The following SERTAD1 variants were observed in gnomAD, a reference collection of about 807,000 sequenced individuals.
SERTAD1 encodes SERTA domain containing 1, also known as SERTA domain-containing protein 1.
Under a neutral mutation model 11.7 loss-of-function variants are expected in SERTAD1, and 5 were observed. The ratio of observed to expected loss-of-function variants is 0.43; its 90% CI spans 0.22 to 0.90. SERTAD1 has a LOEUF of 0.90. Among genes scored for constraint, SERTAD1 ranks in the 40% least tolerant of loss-of-function variants. SERTAD1 has a pLI of 0.27. For missense variants in SERTAD1, 287 were observed against 313.9 expected (o/e 0.91, Z 0.65); for synonymous variants, 139 against 141.4 (o/e 0.98, Z 0.12).
rs1032972167 is a variant in SERTAD1 at position 40,422,841 on chromosome 19, G to A, written c.706C>T (p.Arg236Cys). 1.9e-6 allele frequency: 3 copies of A among 1,596,696 alleles called. No homozygotes were observed. The highest frequency in any genetic ancestry group is 2.6e-6 in the Non-Finnish European group (3 of 1,169,850). ...QALERPPGPGR is the reference protein window; with the variant it reads ...QALERPPGPGC The stretch of plus-strand genomic sequence containing the variant: ...AACCATTCCAGCACGAGGGCTCAGC[G>A]CCCTGGCCCCGGCGGTCGCTCCAGT... Residue 236 changes from arginine (R) to cysteine (C), a missense_variant, in exon 2 of 2, where the codon CGC becomes TGC. By Grantham distance (180) the Arg-to-Cys change is radical. Coordinates refer to ENST00000357949, the MANE Select transcript of SERTAD1 (RefSeq NM_013376.4).
rs2079602391 is a variant in SERTAD1 at position 40,422,750 on chromosome 19, G to C, written c.*86C>G. The C allele has an allele frequency of 7.0e-7, 1 of 1,420,814 alleles. No individual in the cohort carries two copies. Among genetic ancestry groups the C allele is most frequent in the East Asian group, 2.5e-5 (1 of 40,298 alleles). The allele number at this position is 1,420,814 out of a possible 1,614,324, so 88.0% of individuals were successfully genotyped here. On this transcript the variant is annotated 3_prime_UTR_variant, in exon 2 of 2. Coordinates refer to ENST00000357949, the MANE Select transcript of SERTAD1 (RefSeq NM_013376.4). ...GGCCCAAGCCCTGTTCTCTGTACTA[G>C]GGAAGCCAGCTGTGTCTTTTCGAGG...
In SERTAD1 at chr19:40,422,728, C is replaced by A; in HGVS notation, c.*108G>T. On this transcript the variant is annotated 3_prime_UTR_variant, in exon 2 of 2. Coordinates refer to ENST00000357949, the MANE Select transcript of SERTAD1 (RefSeq NM_013376.4). ...CTAGATTCTGTCTCTCCAAAGTGGC[C>A]CAAGCCCTGTTCTCTGTACTAGGGA... The A allele has an allele frequency of 7.8e-7, 1 of 1,285,458 alleles. No homozygotes were observed. 79.6% of individuals were successfully genotyped at this position (1,285,458 alleles called of 1,614,324 possible).
In SERTAD1 at chr19:40,422,458, T is replaced by C. The variant is rs1568723643; in HGVS notation, c.*378A>G. 8.8e-6 allele frequency: 2 copies of C among 228,246 alleles called. No individual in the cohort carries two copies. The highest frequency in any genetic ancestry group is 1.7e-5 in the Non-Finnish European group (2 of 116,618). The allele number at this position is 228,246 out of a possible 1,614,324, so 14.1% of individuals were successfully genotyped here. ...CGCCCAATAAAATGTTTGATGTTTTTATCTCGCCTTCACATTTGCCCAGAG... is the reference window on the plus strand; with the variant it reads ...CGCCCAATAAAATGTTTGATGTTTTCATCTCGCCTTCACATTTGCCCAGAG... On this transcript the variant is annotated 3_prime_UTR_variant, in exon 2 of 2. Transcript: ENST00000357949.
rs1356722123 is a variant in SERTAD1 at position 40,422,793 on chromosome 19, C to T, written c.*43G>A. The T allele has an allele frequency of 6.5e-7, 1 of 1,527,976 alleles. No homozygotes were observed. Among genetic ancestry groups the T allele is most frequent in the Non-Finnish European group, 8.8e-7 (1 of 1,136,190 alleles). 94.7% of individuals were successfully genotyped at this position (1,527,976 alleles called of 1,614,324 possible). ...TTTCGAGGACAGTTGGTCCAGCCAG[C>T]AGGCTCAGTTCAGATACCAGACAAC... On this transcript the variant is annotated 3_prime_UTR_variant, in exon 2 of 2. Transcript: ENST00000357949.
At position 40,423,011 on chromosome 19, in the gene SERTAD1, GTGTCAATAT is replaced by G; in HGVS notation, c.527_535del (p.Asp176_Thr179delinsAla). On this transcript the variant is annotated inframe_deletion, in exon 2 of 2. Coordinates refer to ENST00000357949, the MANE Select transcript of SERTAD1 (RefSeq NM_013376.4). The stretch of plus-strand genomic sequence containing the variant: ...CCAAAGTTCATTGTCATACATAGAG[GTGTCAATAT>G]CCTCAAACAGGCCCTCAAGCCCATC... 6.3e-7 allele frequency: 1 copy of G among 1,579,774 alleles called. No individual in the cohort carries two copies. Among genetic ancestry groups the G allele is most frequent in the Non-Finnish European group, 8.6e-7 (1 of 1,161,998 alleles).
intron 1 of SERTAD1, among the ~76,000 whole-genome samples, chr19:40,424,713 A>G (rs2079610174): frequency 6.6e-6 from 1 of 152,212 alleles, no homozygotes; most frequent in African/African-American, 2.4e-5. Flanking sequence ...GGAACAACAA[A>G]AAAAGGCAGA....
At chr19:40,424,695 G>A (rs904345782) in intron 1 of SERTAD1, among the ~76,000 whole-genome samples, 1 of 152,170 alleles carries the variant, frequency 6.6e-6, no homozygotes, top group Non-Finnish European at 1.5e-5. Flanking sequence ...AAAGCATTCC[G>A]GGAGGAGGGA....
At chr19:40,424,071 T>C (rs1385632218) in intron 1 of SERTAD1, among the ~76,000 whole-genome samples, 1 of 152,090 alleles carries the variant, frequency 6.6e-6, no homozygotes, top group African/African-American at 2.4e-5. Context: ...AGTATATTTA[T>C]AGACTTTTTT....
At position 40,422,847 on chromosome 19, in the gene SERTAD1, G is replaced by A; in HGVS notation, c.700C>T (p.Pro234Ser). The A allele has an allele frequency of 6.3e-7, 1 of 1,599,780 alleles. No individual in the cohort carries two copies. Among genetic ancestry groups the A allele is most frequent in the Non-Finnish European group, 8.5e-7 (1 of 1,171,476 alleles). The change falls in exon 2 of 2, where the codon CCA (proline) becomes TCA (serine). Residue 234 changes from proline to serine, a missense_variant. Transcript: ENST00000357949. Reference protein sequence around the residue: ...GTQALERPPGPGR With the variant: ...GTQALERPPGSGR ...TCCAGCACGAGGGCTCAGCGCCCTGGCCCCGGCGGTCGCTCCAGTGCCTGT... is the reference window on the plus strand; with the variant it reads ...TCCAGCACGAGGGCTCAGCGCCCTGACCCCGGCGGTCGCTCCAGTGCCTGT...
At position 40,425,989 on chromosome 19, in the gene SERTAD1, T is replaced by C. The variant is rs2079616063; in HGVS notation, c.-123A>G. On this transcript the variant is annotated 5_prime_UTR_variant, in exon 1 of 2. Transcript: ENST00000357949. ...CCCGCGCCTGGGTCGCGAGACGCAG[T>C]TCTGACTCCGGCTCACGACTCCAGA... is the stretch of plus-strand genomic sequence containing the variant. 1.3e-5 allele frequency: 2 copies of C among 152,264 alleles called. No homozygotes were observed. The highest frequency in any genetic ancestry group is 4.8e-5 in the African/African-American group (2 of 41,474). 9.4% of individuals were successfully genotyped at this position (152,264 alleles called of 1,614,324 possible).
In SERTAD1 at chr19:40,422,323, T is replaced by C. The variant is rs1452685867; in HGVS notation, c.*513A>G. On this transcript the variant is annotated 3_prime_UTR_variant, in exon 2 of 2. Coordinates refer to ENST00000357949, the MANE Select transcript of SERTAD1 (RefSeq NM_013376.4). Reference sequence around the variant, plus strand: ...AGTGATAATCTTGGAACCTTGGTTTTCTCACCTGTAAAATAGGGATGATAA... The same window carrying C: ...AGTGATAATCTTGGAACCTTGGTTTCCTCACCTGTAAAATAGGGATGATAA... The C allele has an allele frequency of 4.6e-5, 7 of 152,868 alleles. No homozygotes were observed. The Admixed American group carries it at 4.6e-4, about 10-fold the overall frequency. The allele number at this position is 152,868 out of a possible 1,614,324, so 9.5% of individuals were successfully genotyped here.
chr19:40,421,976 GTC>G lies in SERTAD1; in HGVS notation c.*858_*859del, dbSNP rs1568723429. 6.6e-6 allele frequency: 1 copy of G among 151,974 alleles called. No homozygotes were observed. Among genetic ancestry groups the G allele is most frequent in the Non-Finnish European group, 1.5e-5 (1 of 68,018 alleles). The allele number at this position is 151,974 out of a possible 1,614,324, so 9.4% of individuals were successfully genotyped here. A position where few individuals can be genotyped will look rare whatever the true frequency, so the allele number is the denominator to read the frequency against. Reference sequence around the variant, plus strand: ...ATCCTGGCTAACACGGTGAAACCCTGTCTCTACAAAAAATATAAAAAATTAGT... The same window carrying G: ...ATCCTGGCTAACACGGTGAAACCCTGTCTACAAAAAATATAAAAAATTAGT... On this transcript the variant is annotated 3_prime_UTR_variant, in exon 2 of 2. Transcript: ENST00000357949.
At position 40,422,725 on chromosome 19, in the gene SERTAD1, G is replaced by A; in HGVS notation, c.*111C>T. On this transcript the variant is annotated 3_prime_UTR_variant, in exon 2 of 2. Transcript: ENST00000357949. ...GGACTAGATTCTGTCTCTCCAAAGTGGCCCAAGCCCTGTTCTCTGTACTAG... is the reference window on the plus strand; with the variant it reads ...GGACTAGATTCTGTCTCTCCAAAGTAGCCCAAGCCCTGTTCTCTGTACTAG... 1.7e-6 allele frequency: 2 copies of A among 1,204,584 alleles called. No individual in the cohort carries two copies. Among genetic ancestry groups the A allele is most frequent in the Non-Finnish European group, 2.3e-6 (2 of 888,326 alleles). The allele number at this position is 1,204,584 out of a possible 1,614,324, so 74.6% of individuals were successfully genotyped here. A position where few individuals can be genotyped will look rare whatever the true frequency, so the allele number is the denominator to read the frequency against.
At position 40,423,178 on chromosome 19, in the gene SERTAD1, G is replaced by C. The variant is rs1423697951; in HGVS notation, c.369C>G (p.Ser123Arg). 1.9e-6 allele frequency: 3 copies of C among 1,601,278 alleles called. No homozygotes were observed. Among genetic ancestry groups the C allele is most frequent in the Non-Finnish European group, 2.6e-6 (3 of 1,172,906 alleles). ...ASMASLLEDL[S>R]HIEGLSQAPQ... ...GAGCCTGACTCAGGCCCTCAATGTG[G>C]CTGAGGTCCTCCAGGAGGCTGGCCA... The change falls in exon 2 of 2, where the codon AGC becomes AGG. Residue 123 changes from serine to arginine, a missense_variant. Coordinates refer to ENST00000357949, the MANE Select transcript of SERTAD1 (RefSeq NM_013376.4).
In SERTAD1 at chr19:40,422,658, C is replaced by T. The variant is rs1192478590; in HGVS notation, c.*178G>A. ...CACTAGGGGGTAATTCCAGGCTCCC[C>T]CTGCCAGCCCTGAGACAGGAGGACG... On this transcript the variant is annotated 3_prime_UTR_variant, in exon 2 of 2. Coordinates refer to ENST00000357949, the MANE Select transcript of SERTAD1 (RefSeq NM_013376.4). 6 of 656,610 alleles carry T rather than the reference C, an allele frequency of 9.1e-6. No individual in the cohort carries two copies. The East Asian group carries it at 1.7e-4, about 19-fold the overall frequency. The allele number at this position is 656,610 out of a possible 1,614,324, so 40.7% of individuals were successfully genotyped here.
chr19:40,423,879 A>G (rs2079607565), intron 1 of SERTAD1, among the ~76,000 whole-genome samples: 1 of 151,928 alleles, frequency 6.6e-6, no homozygotes, highest in South Asian at 2.1e-4. Flanking sequence ...GGCACATGCC[A>G]CCACACCCGG....
intron 1 of SERTAD1, among the ~76,000 whole-genome samples, chr19:40,425,281 G>A (rs2079612294): frequency 6.6e-6 from 1 of 152,080 alleles, no homozygotes; most frequent in African/African-American, 2.4e-5. Flanking sequence ...CAGGAAGACT[G>A]TAGAGTCCAG....
rs1490276178 is a variant in SERTAD1 at position 40,423,138 on chromosome 19, C to A, written c.409G>T (p.Asp137Tyr). ...GLSQAPQPLA[D>Y]EGPPGRSIGG... ...ATGCTACGGCCTGGTGGCCCCTCGTCTGCCAAGGGTTGGGGAGCCTGACTC... is the reference window on the plus strand; with the variant it reads ...ATGCTACGGCCTGGTGGCCCCTCGTATGCCAAGGGTTGGGGAGCCTGACTC... The change falls in exon 2 of 2, where the codon GAC (aspartate) becomes TAC (tyrosine). Residue 137 changes from aspartate to tyrosine, a missense_variant. By Grantham distance (160) the Asp-to-Tyr change is radical. Coordinates refer to ENST00000357949, the MANE Select transcript of SERTAD1 (RefSeq NM_013376.4). 1.9e-6 allele frequency: 3 copies of A among 1,603,822 alleles called. No homozygotes were observed. Among genetic ancestry groups the A allele is most frequent in the Non-Finnish European group, 2.6e-6 (3 of 1,175,736 alleles).
In SERTAD1 at chr19:40,422,706, G is replaced by T; in HGVS notation, c.*130C>A. On this transcript the variant is annotated 3_prime_UTR_variant, in exon 2 of 2. Transcript: ENST00000357949. ...ACGGATGTGAAGTTGCCCAGGACTA[G>T]ATTCTGTCTCTCCAAAGTGGCCCAA... The T allele has an allele frequency of 9.5e-7, 1 of 1,056,048 alleles. No homozygotes were observed. Among genetic ancestry groups the T allele is most frequent in the Non-Finnish European group, 1.3e-6 (1 of 755,384 alleles). The allele number at this position is 1,056,048 out of a possible 1,614,324, so 65.4% of individuals were successfully genotyped here. A position where few individuals can be genotyped will look rare whatever the true frequency, so the allele number is the denominator to read the frequency against.
Sources: gnomAD v4.1 joint callset for allele counts (sites outside exome capture counted in the v4.1 genomes callset) on GRCh38, gnomAD v4.1.1 for gene constraint, MANE v1.5 for transcripts, NCBI Gene and HGNC (gene_info 2026-07-23, HGNC 2026-07-21) for gene names.